The following ASTL variants were observed in gnomAD, a reference collection of about 807,000 sequenced individuals.
ASTL encodes the protein astacin-like metalloendopeptidase.
A neutral mutation model predicts 36.7 loss-of-function variants in ASTL; 27 were observed. That is an observed-to-expected ratio of 0.73 (90% CI 0.54 to 1.01). ASTL has a LOEUF of 1.01. Ranked by LOEUF, ASTL falls within the 50% of genes least tolerant of loss-of-function variation. The probability of loss-of-function intolerance (pLI) is 0.00; values close to 1 mark genes in which losing one functional copy is unlikely to be tolerated. For synonymous variants in ASTL, 222 were observed against 228.1 expected, an observed-to-expected ratio of 0.97 and a Z score of 0.24; for missense variants, 524 against 572.8, an observed-to-expected ratio of 0.91 and a Z score of 0.87.
intron 2 of ASTL, 116 bp downstream of exon 2, chr2:96,137,459 C>T (rs1682324409): frequency 3.2e-6 from 4 of 1,260,474 alleles, no homozygotes; most frequent in Non-Finnish European, 3.3e-6. Flanking sequence ...CCACTTAGAG[C>T]CCAGAGTAAG....
chr2:96,133,740 A>G, intron 4 of ASTL, 198 bp from the exon 5 acceptor site: 1 of 635,856 alleles, frequency 1.6e-6, no homozygotes. Context: ...TCTGCACCGC[A>G]TGGTCTCAAG....
intron 2 of ASTL, among the ~76,000 whole-genome samples, chr2:96,136,100 G>A (rs987014737): frequency 1.3e-5 from 2 of 152,202 alleles, no homozygotes; most frequent in Admixed American, 6.5e-5. Flanking sequence ...ATCTCTCCCT[G>A]AGCCGGGTCT....
intron 6 of ASTL, among the ~76,000 whole-genome samples, chr2:96,131,812 C>T (rs746086893): frequency 2.0e-5 from 3 of 152,176 alleles, no homozygotes; most frequent in Non-Finnish European, 2.9e-5. Flanking sequence ...CCTTCCTGCT[C>T]CAACCCCTAA....
Position 96,132,499 on chromosome 2 carries a change from C to T in ASTL, c.637+41G>A, listed in dbSNP as rs752897981. The T allele has an allele frequency of 5.7e-5, 87 of 1,539,686 alleles. No homozygotes were observed. The highest frequency in any genetic ancestry group is 7.1e-5 in the Non-Finnish European group (80 of 1,132,692). On this transcript the variant is annotated intron_variant, in intron 6 of 8. Coordinates refer to ENST00000342380, the MANE Select transcript of ASTL (RefSeq NM_001002036.4). This position sits in a 1 kb window ranked among gnomAD's most constrained non-coding sequence, Gnocchi z 5.4. ...GACTTGGGCCCAAGCCGTGCTGTCC[C>T]CTCCCCGGCACCAGCCTGTCCTGCG...
Position 96,133,483 on chromosome 2 carries a change from T to G in ASTL, c.397A>C (p.Ile133Leu). The change falls in exon 5 of 9, where the codon ATC (isoleucine) becomes CTC (leucine). Residue 133 changes from isoleucine to leucine, a missense_variant. By Grantham distance (5) the Ile-to-Leu change is conservative. Coordinates refer to ENST00000342380, the MANE Select transcript of ASTL (RefSeq NM_001002036.4). Reference sequence around the variant, plus strand: ...TGGTCCTGATAGGTGACAAACCTGATGCACGTGGAACGTTCAAACTCCGCA... The same window carrying G: ...TGGTCCTGATAGGTGACAAACCTGAGGCACGTGGAACGTTCAAACTCCGCA... ...ALAEFERSTCIRFVTYQDQRD... is the reference protein window; with the variant it reads ...ALAEFERSTCLRFVTYQDQRD... 1 of 1,614,234 alleles carries G rather than the reference T, an allele frequency of 6.2e-7. No homozygotes were observed. Among genetic ancestry groups the G allele is most frequent in the African/African-American group, 1.3e-5 (1 of 75,062 alleles).
At chr2:96,137,851 A>G in intron 1 of ASTL, 151 bp from the exon 2 acceptor site, 2 of 768,258 alleles carry the variant, frequency 2.6e-6, no homozygotes, top group South Asian at 3.9e-5. Context: ...GAGCCTTCCC[A>G]GCCTCCCTGC....
In ASTL at chr2:96,135,472, G is replaced by T; in HGVS notation, c.182-60C>A. ...CCCCAGAACACTGACTCGTGGGACA[G>T]GCCAAGCAAATCCCTACTTACTTAA... On this transcript the variant is annotated intron_variant, in intron 2 of 8. Transcript: ENST00000342380. 3.4e-6 allele frequency: 5 copies of T among 1,479,516 alleles called. No individual in the cohort carries two copies. The Admixed American group carries it at 5.3e-5, about 16-fold the overall frequency. 91.6% of individuals were successfully genotyped at this position (1,479,516 alleles called of 1,614,324 possible).
At chr2:96,125,266 T>C (rs1682042968) in intron 8 of ASTL, among the ~76,000 whole-genome samples, 1 of 151,988 alleles carries the variant, frequency 6.6e-6, no homozygotes, top group Non-Finnish European at 1.5e-5. Flanking sequence ...CTACCAGGTG[T>C]CTCCTGCTCT....
upstream of ASTL, chr2:96,138,531 T>A: frequency 9.5e-7 from 1 of 1,057,618 alleles, no homozygotes; most frequent in Non-Finnish European, 1.4e-6. Context: ...CCCTCTTAAA[T>A]AGCAGCTGCT....
chr2:96,129,040 TAA>T (rs988406747), intron 8 of ASTL, among the ~76,000 whole-genome samples: 2 of 140,734 alleles, frequency 1.4e-5, no homozygotes, highest in Non-Finnish European at 1.6e-5. Flanking sequence ...ACTCCATCTT[TAA>T]AAAAAAAAAA....
rs1402364568 is a variant in ASTL, at chr2:96,132,080, AGCCCGTG to A, written c.637+453_637+459del. ...GTCCCAGCCCCACAGTGCTGCCCTC[AGCCCGTG>A]GCCCAGCACTTGGCTTGTGCAGCCT... On this transcript the variant is annotated intron_variant, in intron 6 of 8. Transcript: ENST00000342380. This position sits in a 1 kb window ranked among gnomAD's most constrained non-coding sequence, Gnocchi z 5.4. 6.6e-6 allele frequency among the ~76,000 whole-genome samples: 1 copy of A among 152,194 alleles called. No individual in the cohort carries two copies. The highest frequency in any genetic ancestry group is 2.4e-5 in the African/African-American group (1 of 41,452).
At position 96,132,774 on chromosome 2, in the gene ASTL, C is replaced by T; in HGVS notation, c.456-53G>A. On this transcript the variant is annotated intron_variant, in intron 5 of 8. Transcript: ENST00000342380. The surrounding 1 kb of genome is among the most constrained non-coding windows in gnomAD (Gnocchi z 5.4). ...AAGTGCCAGCCCAGATCCCTCCGGA[C>T]ATACAGACCTGGGCTCTCCCTCCCC... 6.6e-7 allele frequency: 1 copy of T among 1,517,654 alleles called. No individual in the cohort carries two copies. The highest frequency in any genetic ancestry group is 1.2e-5 in the South Asian group (1 of 83,634). The allele number at this position is 1,517,654 out of a possible 1,614,324, so 94.0% of individuals were successfully genotyped here. A position where few individuals can be genotyped will look rare whatever the true frequency, so the allele number is the denominator to read the frequency against.
Position 96,124,365 on chromosome 2 carries a change from T to C in ASTL, c.875-94A>G. On this transcript the variant is annotated intron_variant, in intron 8 of 8. Transcript: ENST00000342380. This position sits in a 1 kb window ranked among gnomAD's most constrained non-coding sequence, Gnocchi z 4.1. ...CCAGAGCTGGCTCAGCTCACAGGAG[T>C]GGTGCCCACCCATGCCACGGCCTAG... is the stretch of plus-strand genomic sequence containing the variant. The C allele has an allele frequency of 1.7e-6, 2 of 1,206,474 alleles. No individual in the cohort carries two copies. Among genetic ancestry groups the C allele is most frequent in the Non-Finnish European group, 2.2e-6 (2 of 906,232 alleles). The allele number at this position is 1,206,474 out of a possible 1,614,324, so 74.7% of individuals were successfully genotyped here. A position where few individuals can be genotyped will look rare whatever the true frequency, so the allele number is the denominator to read the frequency against.
rs543739153 is a variant in ASTL, at chr2:96,130,766, C to G, written c.638-621G>C. On this transcript the variant is annotated intron_variant, in intron 6 of 8. Transcript: ENST00000342380. ...TCACAGCAGCTTCCTCTCCATGGAG[C>G]AAATGAGCCCTCCAGCACCTTCATA... 3.5e-4 allele frequency among the ~76,000 whole-genome samples: 54 copies of G among 152,352 alleles called. No individual in the cohort carries two copies. In the Middle Eastern group the frequency reaches 0.01, roughly 29 times the overall value.
intron 8 of ASTL, among the ~76,000 whole-genome samples, chr2:96,128,550 T>C (rs1200171651): frequency 1.3e-5 from 2 of 152,226 alleles, no homozygotes; most frequent in Admixed American, 6.5e-5. Context: ...TGTCCTTCCA[T>C]AGTGACCATC....
chr2:96,133,745 C>T (rs964425446), intron 4 of ASTL: 1 of 640,204 alleles, frequency 1.6e-6, no homozygotes, highest in Admixed American at 2.4e-5. Context: ...ACCGCATGGT[C>T]TCAAGGGGAA....
At chr2:96,129,687 G>T in intron 8 of ASTL, 137 bp downstream of exon 8, 1 of 715,886 alleles carries the variant, frequency 1.4e-6, no homozygotes, top group Non-Finnish European at 2.2e-6. Context: ...TGCTTGTTCT[G>T]CGTCGTTGTG....
Position 96,123,919 on chromosome 2 carries a change from G to A in ASTL, c.1227C>T (p.Val409=). 1 of 1,613,980 alleles carries A rather than the reference G, an allele frequency of 6.2e-7. No individual in the cohort carries two copies. Among genetic ancestry groups the A allele is most frequent in the Non-Finnish European group, 8.5e-7 (1 of 1,179,896 alleles). The stretch of plus-strand genomic sequence containing the variant: ...CCCCTGGCAGAGCTGGGCTTCCCTG[G>A]ACAGGGACTGGCTGGATTCCTGCTT... The part of the protein sequence containing the change: ...SSEAGIQPVP[V]QGSPALPGGC... The change falls in exon 9 of 9, where the codon GTC becomes GTT. Residue 409 remains valine (V), a synonymous_variant. Transcript: ENST00000342380.
rs1393882520 is a variant in ASTL, at chr2:96,124,716, T to C, written c.875-445A>G. ...ACCGTGCCAGGAGGTAGGTTGGGGCTTCCTTGTTCTTCACTGTCATGCCAG... is the reference window on the plus strand; with the variant it reads ...ACCGTGCCAGGAGGTAGGTTGGGGCCTCCTTGTTCTTCACTGTCATGCCAG... On this transcript the variant is annotated intron_variant, in intron 8 of 8. Transcript: ENST00000342380. The surrounding 1 kb of genome is among the most constrained non-coding windows in gnomAD (Gnocchi z 4.1). Among the ~76,000 whole-genome samples the C allele has an allele frequency of 6.6e-6, 1 of 152,128 alleles. No individual in the cohort carries two copies. The highest frequency in any genetic ancestry group is 2.4e-5 in the African/African-American group (1 of 41,414).
Sources: gnomAD v4.1 joint callset for allele counts (sites outside exome capture counted in the v4.1 genomes callset) on GRCh38, gnomAD v4.1.1 for gene constraint, Gnocchi (gnomAD v3.1) non-coding constraint, MANE v1.5 for transcripts, NCBI Gene and HGNC (gene_info 2026-07-23, HGNC 2026-07-21) for gene names.